Variants in NOX4 observed in about 807,000 individuals in gnomAD.
NOX4 encodes kidney oxidase-1.
NOX4 carries 69 observed loss-of-function variants against 87.6 expected under a neutral mutation model. The observed-to-expected ratio is 0.79, with a 90% CI of 0.65 to 0.96. The LOEUF (loss-of-function observed/expected upper bound fraction) is 0.96. NOX4 is among the 40% of genes least tolerant of loss of function. NOX4 has a pLI of 0.00. For missense variants in NOX4, 680 were observed against 681.5 expected, an observed-to-expected ratio of 1.00 and a Z score of 0.02; for synonymous variants, 275 against 238.2, an observed-to-expected ratio of 1.15 and a Z score of -1.42.
chr11:89,479,965 A>G (rs2135467250), intron 2 of NOX4, among the ~76,000 whole-genome samples: 1 of 152,204 alleles, frequency 6.6e-6, no homozygotes, highest in East Asian at 1.9e-4. Flanking sequence ...ATATAACAAA[A>G]TCTGTGAATA....
At chr11:89,396,096 G>A (rs189390633) in intron 11 of NOX4, among the ~76,000 whole-genome samples, 2 of 152,228 alleles carry the variant, frequency 1.3e-5, no homozygotes, top group East Asian at 3.9e-4. Flanking sequence ...ACCATGGGAA[G>A]TGTGGCTATT....
intron 8 of NOX4, among the ~76,000 whole-genome samples, chr11:89,408,614 C>T (rs1380317190): frequency 6.6e-6 from 1 of 152,158 alleles, no homozygotes; most frequent in Non-Finnish European, 1.5e-5. Flanking sequence ...CTTGCCTCTG[C>T]ATTCTTTCCT....
chr11:89,489,057 C>T (rs2099646325), intron 2 of NOX4: 1 of 696,030 alleles, frequency 1.4e-6, no homozygotes, highest in East Asian at 2.7e-5. Context: ...TTTTTTTCAA[C>T]CCATTGGCTT....
At chr11:89,541,028 A>G in the NOX4 span, among the ~76,000 whole-genome samples, 3 of 152,016 alleles carry the variant, frequency 2.0e-5, no homozygotes, top group Non-Finnish European at 4.4e-5. Flanking sequence ...GGTGTTTTAT[A>G]GTTGTTTACT....
At chr11:89,525,718 T>C in the NOX4 span, among the ~76,000 whole-genome samples, 1 of 152,090 alleles carries the variant, frequency 6.6e-6, no homozygotes. Context: ...AAAGTTTTAA[T>C]TGTTTTAAAA....
chr11:89,395,455 C>T (rs1591106518), intron 11 of NOX4, among the ~76,000 whole-genome samples: 1 of 152,102 alleles, frequency 6.6e-6, no homozygotes, highest in Non-Finnish European at 1.5e-5. Context: ...CTGTAGGTTG[C>T]CTGTTCACTC....
the NOX4 span, chr11:89,548,342 C>T: frequency 1.3e-5 from 2 of 152,210 alleles, no homozygotes; most frequent in Non-Finnish European, 2.9e-5. Flanking sequence ...AGTTGGTCAT[C>T]TGCAAACTGA....
At chr11:89,459,307 G>A (rs982353755) in intron 2 of NOX4, among the ~76,000 whole-genome samples, 1 of 152,146 alleles carries the variant, frequency 6.6e-6, no homozygotes, top group Admixed American at 6.5e-5. Context: ...AGGGTAGAGG[G>A]TGGGAGGAGC....
At chr11:89,585,655 G>A in the NOX4 span, among the ~76,000 whole-genome samples, 28 of 152,260 alleles carry the variant, frequency 1.8e-4, no homozygotes, top group African/African-American at 6.5e-4. Context: ...TAAGGGCCTT[G>A]GTGATCAGCC....
chr11:89,398,845 T>G (rs1269792757), intron 11 of NOX4, among the ~76,000 whole-genome samples: 1 of 151,870 alleles, frequency 6.6e-6, no homozygotes, highest in Non-Finnish European at 1.5e-5. Context: ...CTGTGAAATA[T>G]TATATGGTCA....
intron 11 of NOX4, among the ~76,000 whole-genome samples, chr11:89,388,045 T>C (rs764081767): frequency 6.6e-6 from 1 of 152,226 alleles, no homozygotes; most frequent in Non-Finnish European, 1.5e-5. Flanking sequence ...GTCTATGCTT[T>C]AGACTTCTCA....
At chr11:89,350,649 GA>G (rs1307577911) in intron 13 of NOX4, among the ~76,000 whole-genome samples, 1 of 152,082 alleles carries the variant, frequency 6.6e-6, no homozygotes, top group Non-Finnish European at 1.5e-5. Context: ...GAAAAATGAG[GA>G]AAAAATATCA....
chr11:89,387,851 C>T (rs968806481), intron 11 of NOX4, among the ~76,000 whole-genome samples: 11 of 152,110 alleles, frequency 7.2e-5, no homozygotes, highest in African/African-American at 2.7e-4. Flanking sequence ...GGTAGAAAGT[C>T]TTAAATTTGG....
chr11:89,344,550 C>T (rs1399741606), intron 13 of NOX4, among the ~76,000 whole-genome samples: 1 of 152,056 alleles, frequency 6.6e-6, no homozygotes, highest in Non-Finnish European at 1.5e-5. Context: ...ACTCAGTGTC[C>T]AAAAATTTTT....
At chr11:89,431,426 A>C (rs540213714) in intron 7 of NOX4, among the ~76,000 whole-genome samples, 193 of 152,284 alleles carry the variant, frequency 1.3e-3, no homozygotes, top group African/African-American at 4.5e-3. Flanking sequence ...CAACCTACAG[A>C]ATGGGAGAAA....
chr11:89,433,542 T>C (rs1943922437), intron 6 of NOX4, among the ~76,000 whole-genome samples: 1 of 152,176 alleles, frequency 6.6e-6, no homozygotes, highest in East Asian at 1.9e-4. Flanking sequence ...TCAGTTTCAA[T>C]TTCAATTAAC....
At chr11:89,354,882 A>G (rs1937889713) in intron 13 of NOX4, 80 bp downstream of exon 13, 3 of 759,460 alleles carry the variant, frequency 4.0e-6, no homozygotes, top group East Asian at 2.9e-5. Flanking sequence ...GAAAGATTAC[A>G]TTTTGTTTTT....
At chr11:89,428,126 A>G (rs545001699) in intron 7 of NOX4, among the ~76,000 whole-genome samples, 2 of 152,306 alleles carry the variant, frequency 1.3e-5, no homozygotes, top group Non-Finnish European at 1.5e-5. Context: ...ACTAAGCTTC[A>G]TAAGTGAAGG....
the NOX4 span, among the ~76,000 whole-genome samples, chr11:89,536,067 T>C: frequency 6.6e-6 from 1 of 151,886 alleles, no homozygotes; most frequent in Non-Finnish European, 1.5e-5. Flanking sequence ...TTTAATTACC[T>C]TTGGTAGATC....
Sources: gnomAD v4.1 joint callset for allele counts (sites outside exome capture counted in the v4.1 genomes callset) on GRCh38, gnomAD v4.1.1 for gene constraint, MANE v1.5 for transcripts, NCBI Gene and HGNC (gene_info 2026-07-23, HGNC 2026-07-21) for gene names.